NR6A1: variants seen among roughly 807,000 people sequenced by gnomAD.
NR6A1 encodes the protein retinoic acid receptor-related testis-associated receptor.
In NR6A1, 7 loss-of-function variants were observed where a neutral mutation model predicts 59.1. That is an observed-to-expected ratio of 0.12 (90% CI 0.07 to 0.22). NR6A1 has a LOEUF of 0.22. Among genes scored for constraint, NR6A1 ranks in the 10% least tolerant of loss-of-function variants. The pLI is 1.00. For synonymous variants in NR6A1, 243 were observed against 236.1 expected, an observed-to-expected ratio of 1.03 and a Z score of -0.27; for missense variants, 468 against 611.6, an observed-to-expected ratio of 0.77 and a Z score of 2.48.
At chr9:124,603,189 T>G (rs995961994) in intron 2 of NR6A1, among the ~76,000 whole-genome samples, 1 of 152,196 alleles carries the variant, frequency 6.6e-6, no homozygotes, top group African/African-American at 2.4e-5. Flanking sequence ...CCTTTCTTAT[T>G]AATCTCATGT....
At chr9:124,699,802 A>G (rs1838878197) in intron 2 of NR6A1, among the ~76,000 whole-genome samples, 1 of 152,142 alleles carries the variant, frequency 6.6e-6, no homozygotes, top group Admixed American at 6.5e-5. Context: ...CTTAGCCCCC[A>G]GACAACCACT....
At chr9:124,727,957 A>G (rs1174081290) in intron 2 of NR6A1, among the ~76,000 whole-genome samples, 5 of 151,976 alleles carry the variant, frequency 3.3e-5, no homozygotes, top group African/African-American at 1.2e-4. Flanking sequence ...TACTAGGATT[A>G]CAGGTATGAG....
chr9:124,648,414 C>A (rs754484786), intron 2 of NR6A1, among the ~76,000 whole-genome samples: 6 of 152,084 alleles, frequency 3.9e-5, no homozygotes, highest in Non-Finnish European at 7.4e-5. Flanking sequence ...AATACCACTT[C>A]ATAATAAAAA....
chr9:124,653,274 C>CTT (rs749050119), intron 2 of NR6A1, among the ~76,000 whole-genome samples: 2 of 143,418 alleles, frequency 1.4e-5, no homozygotes, highest in African/African-American at 5.1e-5. Context: ...TTGCAAGTAA[C>CTT]TTTTTTTTTT....
intron 2 of NR6A1, chr9:124,607,159 G>A (rs1010316544): frequency 6.6e-6 from 1 of 152,198 alleles, no homozygotes; most frequent in Non-Finnish European, 1.5e-5. Context: ...GATAGAATAA[G>A]CTGGGCATGG....
chr9:124,703,685 A>G (rs1454334480), intron 2 of NR6A1, among the ~76,000 whole-genome samples: 2 of 152,222 alleles, frequency 1.3e-5, no homozygotes, highest in African/African-American at 4.8e-5. Flanking sequence ...CTGTGTTCGT[A>G]AAGGGCTACT....
chr9:124,600,490 A>G (rs1835416229), intron 2 of NR6A1, among the ~76,000 whole-genome samples: 1 of 152,240 alleles, frequency 6.6e-6, no homozygotes, highest in African/African-American at 2.4e-5. Context: ...AAAATATTCC[A>G]GAAACCAGGT....
intron 2 of NR6A1, among the ~76,000 whole-genome samples, chr9:124,565,829 T>C (rs1834225407): frequency 6.6e-6 from 1 of 152,252 alleles, no homozygotes; most frequent in South Asian, 2.1e-4. Context: ...CAAGTTATGA[T>C]GGCAATGTAG....
intron 2 of NR6A1, among the ~76,000 whole-genome samples, chr9:124,652,110 C>T (rs889606916): frequency 2.0e-5 from 3 of 152,174 alleles, no homozygotes; most frequent in Non-Finnish European, 4.4e-5. Flanking sequence ...AAAAAACTAG[C>T]CCCAACCCCT....
chr9:124,623,033 C>A (rs1425428245), intron 2 of NR6A1, among the ~76,000 whole-genome samples: 2 of 152,088 alleles, frequency 1.3e-5, no homozygotes, highest in African/African-American at 4.8e-5. Context: ...TACTAAAAAT[C>A]CAGAAGTATA....
intron 2 of NR6A1, among the ~76,000 whole-genome samples, chr9:124,685,724 T>C (rs941873344): frequency 6.6e-6 from 1 of 152,190 alleles, no homozygotes; most frequent in Non-Finnish European, 1.5e-5. Context: ...AAATTGTAGG[T>C]TGAAACTTAT....
At chr9:124,680,518 A>G (rs986606895) in intron 2 of NR6A1, among the ~76,000 whole-genome samples, 2 of 152,216 alleles carry the variant, frequency 1.3e-5, no homozygotes, top group African/African-American at 4.8e-5. Context: ...GGAAAAATGA[A>G]GTCGCTAAAT....
At chr9:124,665,265 A>T (rs539205066) in intron 2 of NR6A1, among the ~76,000 whole-genome samples, 287 of 152,244 alleles carry the variant, frequency 1.9e-3, no homozygotes, top group Admixed American at 3.0e-3. Context: ...GATTTGGGAA[A>T]CTGCCTTGCC....
At chr9:124,767,663 T>C (rs1003648778) in intron 1 of NR6A1, among the ~76,000 whole-genome samples, 9 of 152,170 alleles carry the variant, frequency 5.9e-5, no homozygotes, top group African/African-American at 2.2e-4. Context: ...ATCACAGAAC[T>C]GAAAAGTTAA....
At chr9:124,569,371 C>T (rs906321238) in intron 2 of NR6A1, among the ~76,000 whole-genome samples, 4 of 152,214 alleles carry the variant, frequency 2.6e-5, no homozygotes, top group Admixed American at 2.0e-4. Flanking sequence ...ATACCTCCTC[C>T]ACCCCAGGAA....
intron 2 of NR6A1, among the ~76,000 whole-genome samples, chr9:124,653,274 C>CT (rs749050119): frequency 0.02 from 2,903 of 143,352 alleles, 80 homozygotes; most frequent in African/African-American, 0.064. Flanking sequence ...TTGCAAGTAA[C>CT]TTTTTTTTTT....
intron 2 of NR6A1, among the ~76,000 whole-genome samples, chr9:124,641,608 G>C (rs1328368327): frequency 6.6e-6 from 1 of 152,134 alleles, no homozygotes. Flanking sequence ...GAGGCAGGAG[G>C]ATTGCTTCAG....
intron 7 of NR6A1, among the ~76,000 whole-genome samples, chr9:124,533,608 G>A (rs1833161217): frequency 6.6e-6 from 1 of 152,050 alleles, no homozygotes; most frequent in Non-Finnish European, 1.5e-5. Context: ...TGAAGAAAGT[G>A]TAAGGGCTGC....
intron 2 of NR6A1, among the ~76,000 whole-genome samples, chr9:124,656,693 G>T (rs552150418): frequency 2.0e-5 from 3 of 152,110 alleles, no homozygotes; most frequent in Non-Finnish European, 4.4e-5. Context: ...CTAGCCAGGC[G>T]TGGTGGTGGG....
Sources: allele counts gnomAD v4.1 joint callset (sites outside exome capture counted in the v4.1 genomes callset), GRCh38; gene constraint gnomAD v4.1.1; transcripts MANE v1.5; gene names NCBI Gene and HGNC (gene_info 2026-07-23, HGNC 2026-07-21).